The following GDPD4 variants were observed in gnomAD, a reference collection of about 807,000 sequenced individuals.
GDPD4 encodes glycerophosphodiester phosphodiesterase domain containing 4.
Under a neutral mutation model 67.8 loss-of-function variants are expected in GDPD4, and 60 were observed. The observed-to-expected ratio is 0.88, with a 90% CI of 0.72 to 1.10. The LOEUF is 1.10. Ranked by LOEUF, GDPD4 falls within the 50% of genes least tolerant of loss-of-function variation. The pLI is 0.00. For synonymous variants in GDPD4, 212 were observed against 210.9 expected, an observed-to-expected ratio of 1.00 and a Z score of -0.04; for missense variants, 623 against 613.9, an observed-to-expected ratio of 1.01 and a Z score of -0.16.
At chr11:77,271,931 T>C (rs1270446944) in intron 5 of GDPD4, among the ~76,000 whole-genome samples, 2 of 152,218 alleles carry the variant, frequency 1.3e-5, no homozygotes, top group Admixed American at 6.5e-5. Flanking sequence ...CCAATAAGTA[T>C]TTATTAAACA....
chr11:77,244,409 C>T (rs1958738789), intron 12 of GDPD4, among the ~76,000 whole-genome samples: 1 of 152,170 alleles, frequency 6.6e-6, no homozygotes, highest in East Asian at 1.9e-4. Flanking sequence ...TTCTCATGAC[C>T]TCTCCATTTA....
intron 3 of GDPD4, among the ~76,000 whole-genome samples, chr11:77,284,816 G>A (rs771243629): frequency 2.0e-5 from 3 of 152,194 alleles, no homozygotes; most frequent in Non-Finnish European, 2.9e-5. Flanking sequence ...TAGAAGGACT[G>A]TGGATATTGG....
intron 1 of GDPD4, among the ~76,000 whole-genome samples, chr11:77,294,678 T>C (rs186373940): frequency 1.1e-4 from 16 of 152,138 alleles, no homozygotes; most frequent in Admixed American, 5.9e-4. Context: ...GCAAAGGAAA[T>C]AGACTAGCCA....
chr11:77,288,599 A>G (rs964411305), intron 1 of GDPD4, among the ~76,000 whole-genome samples: 10 of 152,204 alleles, frequency 6.6e-5, no homozygotes, highest in Admixed American at 3.9e-4. Context: ...TGAACCCAGA[A>G]TAAAAACTAA....
At chr11:77,254,994 C>G (rs984521475) in intron 11 of GDPD4, among the ~76,000 whole-genome samples, 2 of 152,132 alleles carry the variant, frequency 1.3e-5, no homozygotes, top group African/African-American at 4.8e-5. Context: ...TCTAACCATA[C>G]AGCATGAAAG....
At chr11:77,294,831 A>T (rs980165048) in intron 1 of GDPD4, among the ~76,000 whole-genome samples, 12 of 152,274 alleles carry the variant, frequency 7.9e-5, no homozygotes, top group Admixed American at 2.6e-4. Context: ...TTCCAGAAAA[A>T]GGCCCATATA....
At chr11:77,270,002 C>G (rs1273414791) in intron 7 of GDPD4, 42 bp from the exon 8 acceptor site, 2 of 963,236 alleles carry the variant, frequency 2.1e-6, no homozygotes, top group Non-Finnish European at 3.2e-6. Context: ...TCATTATTGT[C>G]CCCTTTAAGC....
chr11:77,227,985 C>T, intron 15 of GDPD4, 69 bp from the exon 16 acceptor site: 1 of 1,013,286 alleles, frequency 9.9e-7, no homozygotes, highest in South Asian at 1.3e-5. Context: ...AACGTTCCTC[C>T]TCCAGGATCT....
chr11:77,266,962 T>C (rs2135868174), intron 10 of GDPD4, among the ~76,000 whole-genome samples: 1 of 152,324 alleles, frequency 6.6e-6, no homozygotes, highest in East Asian at 1.9e-4. Flanking sequence ...TCTTCAGTAG[T>C]GTACATAATG....
intron 16 of GDPD4, among the ~76,000 whole-genome samples, chr11:77,224,473 T>C (rs187677657): frequency 6.6e-6 from 1 of 152,196 alleles, no homozygotes; most frequent in African/African-American, 2.4e-5. Flanking sequence ...ACTGGAGAGA[T>C]ATTCTGTTGT....
intron 5 of GDPD4, among the ~76,000 whole-genome samples, chr11:77,274,730 G>C (rs1476869446): frequency 6.6e-6 from 1 of 152,174 alleles, no homozygotes; most frequent in African/African-American, 2.4e-5. Context: ...GACTTAAGGG[G>C]ACCACTCAAG....
At chr11:77,274,765 G>A (rs1959375358) in intron 5 of GDPD4, among the ~76,000 whole-genome samples, 1 of 152,098 alleles carries the variant, frequency 6.6e-6, no homozygotes, top group Non-Finnish European at 1.5e-5. Flanking sequence ...CTGGATTTGG[G>A]GAAATACAAG....
At position 77,216,662 on chromosome 11, in the gene GDPD4, C is replaced by G; in HGVS notation, c.*615G>C. On this transcript the variant is annotated 3_prime_UTR_variant, in exon 17 of 17. Transcript: ENST00000315938. Reference sequence around the variant, plus strand: ...ACCTGACAGCAACCAGTTCCAAGACCACACACAGCAGTTTTCCCCTTGCCT... The same window carrying G: ...ACCTGACAGCAACCAGTTCCAAGACGACACACAGCAGTTTTCCCCTTGCCT... 2.0e-6 allele frequency: 1 copy of G among 497,758 alleles called. No individual in the cohort carries two copies. The allele number at this position is 497,758 out of a possible 1,614,324, so 30.8% of individuals were successfully genotyped here.
intron 5 of GDPD4, among the ~76,000 whole-genome samples, chr11:77,272,555 C>T (rs1172017322): frequency 2.6e-5 from 4 of 152,122 alleles, no homozygotes; most frequent in Non-Finnish European, 5.9e-5. Context: ...GAGGGTGGAT[C>T]ACCTGAGGCC....
chr11:77,273,758 TTAG>T (rs931504922), intron 5 of GDPD4, among the ~76,000 whole-genome samples: 1 of 152,190 alleles, frequency 6.6e-6, no homozygotes, highest in African/African-American at 2.4e-5. Context: ...CAGTAATTTC[TTAG>T]TATAATATAG....
intron 11 of GDPD4, among the ~76,000 whole-genome samples, chr11:77,257,508 CT>C (rs36164794): frequency 0.25 from 37,691 of 149,320 alleles, 5,911 homozygotes; most frequent in South Asian, 0.43. Context: ...CTTCCTACCC[CT>C]CTTCCTTCCT....
intron 10 of GDPD4, among the ~76,000 whole-genome samples, chr11:77,265,883 T>C (rs908273286): frequency 6.6e-6 from 1 of 152,150 alleles, no homozygotes; most frequent in Non-Finnish European, 1.5e-5. Context: ...GTCATTTGAA[T>C]GTGATCTTCA....
intron 3 of GDPD4, among the ~76,000 whole-genome samples, chr11:77,282,109 TAA>T (rs993928360): frequency 3.9e-5 from 6 of 152,148 alleles, no homozygotes; most frequent in South Asian, 2.1e-4. Context: ...TCAGAAGTTA[TAA>T]GTGTCTGAAG....
chr11:77,219,345 C>T (rs566502719), intron 16 of GDPD4, among the ~76,000 whole-genome samples: 159 of 152,252 alleles, frequency 1.0e-3, no homozygotes, highest in African/African-American at 3.1e-3. Context: ...CTGTTCACTC[C>T]GATGGCAGTT....
Sources: gnomAD v4.1 joint callset for allele counts (sites outside exome capture counted in the v4.1 genomes callset) on GRCh38, gnomAD v4.1.1 for gene constraint, MANE v1.5 for transcripts, NCBI Gene and HGNC (gene_info 2026-07-23, HGNC 2026-07-21) for gene names.